TMPRSS15: variants seen among roughly 807,000 people sequenced by gnomAD.
TMPRSS15 encodes the protein transmembrane serine protease 15, also known as enteropeptidase.
In TMPRSS15, 128 loss-of-function variants were observed where a neutral mutation model predicts 125.3. That is an observed-to-expected ratio of 1.02 (90% CI 0.89 to 1.18). The LOEUF (loss-of-function observed/expected upper bound fraction) is 1.18, where lower values mean the gene tolerates loss of function less well. TMPRSS15 is among the 50% of genes most tolerant of loss of function. The probability of loss-of-function intolerance (pLI) is 0.00; values close to 1 mark genes in which losing one functional copy is unlikely to be tolerated. For missense variants in TMPRSS15, 1,283 were observed against 1,212.7 expected, an observed-to-expected ratio of 1.06 and a Z score of -0.86; for synonymous variants, 446 against 423.2, an observed-to-expected ratio of 1.05 and a Z score of -0.66.
intron 10 of TMPRSS15, among the ~76,000 whole-genome samples, chr21:18,349,595 C>T (rs73893072): frequency 5.1e-4 from 78 of 152,206 alleles, no homozygotes; most frequent in African/African-American, 1.8e-3. Context: ...GATGTTCTGA[C>T]ACATAAAAAA....
intron 19 of TMPRSS15, among the ~76,000 whole-genome samples, chr21:18,295,803 TCACC>T (rs1178801027): frequency 5.3e-5 from 8 of 152,200 alleles, no homozygotes; most frequent in Non-Finnish European, 1.2e-4. Context: ...CCCCTTTTTT[TCACC>T]CTGTGGTGGG....
Position 18,399,282 on chromosome 21 carries a change from A to G in TMPRSS15, c.146-953T>C, listed in dbSNP as rs560837166. ...ACAGATCTGGAATTTGGTCATTGAAATGACTGACTCTACAACCCAGGATCT... is the reference window on the plus strand; with the variant it reads ...ACAGATCTGGAATTTGGTCATTGAAGTGACTGACTCTACAACCCAGGATCT... On this transcript the variant is annotated intron_variant, in intron 1 of 24. Transcript: ENST00000284885. 3.3e-5 allele frequency among the ~76,000 whole-genome samples: 5 copies of G among 152,252 alleles called. No individual in the cohort carries two copies. The East Asian group carries it at 5.8e-4, about 18-fold the overall frequency.
chr21:18,435,273 T>C (rs560017793), intron 1 of TMPRSS15, among the ~76,000 whole-genome samples: 1 of 152,302 alleles, frequency 6.6e-6, no homozygotes, highest in South Asian at 2.1e-4. Context: ...GGGTTTTTCA[T>C]AGATAGCTCT....
At chr21:18,447,878 A>G (rs2076259017) in intron 1 of TMPRSS15, among the ~76,000 whole-genome samples, 1 of 152,134 alleles carries the variant, frequency 6.6e-6, no homozygotes, top group South Asian at 2.1e-4. Context: ...AGACTAGTAC[A>G]CTAATCATCA....
intron 3 of TMPRSS15, among the ~76,000 whole-genome samples, chr21:18,397,289 T>G (rs890475989): frequency 6.6e-6 from 1 of 152,138 alleles, no homozygotes; most frequent in Non-Finnish European, 1.5e-5. Flanking sequence ...CAATTTTTTT[T>G]GTGACAAATA....
intron 24 of TMPRSS15, among the ~76,000 whole-genome samples, chr21:18,273,807 C>T (rs1026902990): frequency 2.0e-5 from 3 of 152,086 alleles, no homozygotes; most frequent in Admixed American, 2.0e-4. Context: ...AAGAAAAAAG[C>T]CATCCTATTT....
intron 1 of TMPRSS15, among the ~76,000 whole-genome samples, chr21:18,463,629 A>G (rs1465185895): frequency 6.6e-6 from 1 of 152,148 alleles, no homozygotes; most frequent in Admixed American, 6.6e-5. Flanking sequence ...TCTCCACCCC[A>G]AATCAACAAA....
intron 16 of TMPRSS15, among the ~76,000 whole-genome samples, chr21:18,316,696 G>C (rs1211883870): frequency 1.3e-5 from 2 of 152,142 alleles, no homozygotes; most frequent in African/African-American, 4.8e-5. Flanking sequence ...AGTTTGGGTT[G>C]TGCAAAAAGA....
intron 1 of TMPRSS15, among the ~76,000 whole-genome samples, chr21:18,440,276 G>A (rs1240962408): frequency 6.7e-6 from 1 of 149,516 alleles, no homozygotes; most frequent in Non-Finnish European, 1.5e-5. Flanking sequence ...GGGAGGCTGA[G>A]GCAGGAGAAT....
At chr21:18,283,873 G>T (rs1425693876) in intron 21 of TMPRSS15, among the ~76,000 whole-genome samples, 1 of 152,120 alleles carries the variant, frequency 6.6e-6, no homozygotes, top group Non-Finnish European at 1.5e-5. Context: ...ACTGATATGA[G>T]AGAGCTTGTA....
intron 24 of TMPRSS15, 49 bp from the exon 25 acceptor site, chr21:18,270,173 C>G: frequency 6.8e-7 from 1 of 1,472,116 alleles, no homozygotes; most frequent in Non-Finnish European, 9.5e-7. Context: ...GTCAATTGAT[C>G]GAAACATATA....
At chr21:18,359,894 A>G (rs561822342) in intron 7 of TMPRSS15, 31 bp from the exon 8 acceptor site, 2 of 1,049,562 alleles carry the variant, frequency 1.9e-6, no homozygotes, top group South Asian at 2.5e-5. Flanking sequence ...AGATTACCAA[A>G]TTTTTAACAG....
upstream of TMPRSS15, among the ~76,000 whole-genome samples, chr21:18,407,102 A>G (rs1167394988): frequency 6.6e-6 from 1 of 152,166 alleles, no homozygotes; most frequent in Non-Finnish European, 1.5e-5. Flanking sequence ...AATTCTGTGG[A>G]TAAGAGTGTA....
intron 5 of TMPRSS15, among the ~76,000 whole-genome samples, chr21:18,379,076 G>C (rs1319912531): frequency 6.6e-6 from 1 of 152,096 alleles, no homozygotes; most frequent in African/African-American, 2.4e-5. Context: ...AGTGAAATCT[G>C]AGAACTCAGG....
chr21:18,313,349 C>CTCTATATA (rs1555895998), intron 17 of TMPRSS15, among the ~76,000 whole-genome samples: 2 of 149,352 alleles, frequency 1.3e-5, no homozygotes, highest in African/African-American at 5.0e-5. Flanking sequence ...CTCTCTCTCT[C>CTCTATATA]TATATATATA....
intron 3 of TMPRSS15, among the ~76,000 whole-genome samples, chr21:18,386,041 C>T (rs1252614701): frequency 6.6e-6 from 1 of 152,126 alleles, no homozygotes; most frequent in South Asian, 2.1e-4. Flanking sequence ...CCATGCCTGG[C>T]CAATAAACAC....
rs1359556569 is a variant in TMPRSS15 at position 18,313,013 on chromosome 21, C to T, written c.2097G>A (p.Trp699Ter). 6.2e-7 allele frequency: 1 copy of T among 1,613,858 alleles called. No homozygotes were observed. The highest frequency in any genetic ancestry group is 8.5e-7 in the Non-Finnish European group (1 of 1,179,962). The change falls in exon 18 of 25, where the codon TGG (tryptophan) becomes TGA (stop). Residue 699 changes from tryptophan to a stop codon, truncating the protein, a stop_gained. Transcript: ENST00000284885. LOFTEE classifies it high-confidence loss of function. ...GLVRFRIQSIWHTACAENWTT... is the reference protein window; with the variant it reads ...GLVRFRIQSI ...TCCAGTTCTCAGCACAAGCTGTATG[C>T]CATATGCTCTGGATTCTGAACCGCA...
At chr21:18,289,606 A>G (rs1185966154) in intron 21 of TMPRSS15, among the ~76,000 whole-genome samples, 1 of 152,232 alleles carries the variant, frequency 6.6e-6, no homozygotes, top group Admixed American at 6.5e-5. Flanking sequence ...AGGAGTGTTA[A>G]CACATATTTT....
rs3082204 is a variant in TMPRSS15, at chr21:18,449,877, GCACACA to G, written c.10+35916_10+35921del. On this transcript the variant is annotated intron_variant, in intron 1 of 7. Coordinates refer to the TMPRSS15 transcript ENST00000422787. ...CCCTCAAACACACACACACACACAC[GCACACA>G]CACACACACACACACACCTATATAA... Among the ~76,000 whole-genome samples the G allele has an allele frequency of 2.2e-4, 32 of 147,600 alleles. 1 individual carries two copies. The highest frequency in any genetic ancestry group is 1.3e-3 in the South Asian group (6 of 4,652).
Sources: gnomAD v4.1 joint callset for allele counts (sites outside exome capture counted in the v4.1 genomes callset) on GRCh38, gnomAD v4.1.1 for gene constraint, MANE v1.5 for transcripts, NCBI Gene and HGNC (gene_info 2026-07-23, HGNC 2026-07-21) for gene names.